Variants in ADCY8 observed in about 807,000 individuals in gnomAD.
ADCY8 encodes adenylate cyclase 8, also known as adenylate cyclase type 8.
In ADCY8, 51 loss-of-function variants were observed where a neutral mutation model predicts 119.7. That is an observed-to-expected ratio of 0.43 (90% CI 0.34 to 0.54). The LOEUF (loss-of-function observed/expected upper bound fraction) is 0.54, where lower values mean the gene tolerates loss of function less well. ADCY8 is among the 20% of genes least tolerant of loss of function. The pLI is 0.03. For missense variants in ADCY8, 1,383 were observed against 1,598.8 expected (o/e 0.87, Z 2.30); for synonymous variants, 665 against 651.0 (o/e 1.02, Z -0.33).
At chr8:130,811,394 T>G (rs1000710413) in intron 14 of ADCY8, among the ~76,000 whole-genome samples, 1 of 152,172 alleles carries the variant, frequency 6.6e-6, no homozygotes, top group Non-Finnish European at 1.5e-5. Flanking sequence ...TACAGATGGG[T>G]AAACTGAAGA....
chr8:130,847,247 A>C (rs1358618394), intron 11 of ADCY8, among the ~76,000 whole-genome samples, 177 bp downstream of exon 11: 1 of 152,058 alleles, frequency 6.6e-6, no homozygotes, highest in East Asian at 1.9e-4. Flanking sequence ...AGAAAATATA[A>C]GGGGAGAAGG....
intron 2 of ADCY8, among the ~76,000 whole-genome samples, chr8:130,975,770 G>A (rs917746935): frequency 6.6e-6 from 1 of 152,166 alleles, no homozygotes; most frequent in Non-Finnish European, 1.5e-5. Flanking sequence ...TAGCCATTAA[G>A]TTGTCTATAA....
chr8:130,855,903 C>T (rs1018243943), intron 9 of ADCY8, among the ~76,000 whole-genome samples: 1 of 152,188 alleles, frequency 6.6e-6, no homozygotes, highest in Admixed American at 6.5e-5. Flanking sequence ...TCCCACCTCT[C>T]CATCATCCCC....
At chr8:130,799,069 G>A (rs867938281) in intron 15 of ADCY8, among the ~76,000 whole-genome samples, 1 of 152,110 alleles carries the variant, frequency 6.6e-6, no homozygotes, top group Non-Finnish European at 1.5e-5. Flanking sequence ...TCACTTATAC[G>A]TGGAATCTAA....
intron 5 of ADCY8, 84 bp downstream of exon 5, chr8:130,936,989 A>T (rs1380543473): frequency 6.9e-7 from 1 of 1,457,132 alleles, no homozygotes. Flanking sequence ...CACCATACAT[A>T]TGATTTACCA....
intron 9 of ADCY8, among the ~76,000 whole-genome samples, chr8:130,857,856 C>T (rs60665191): frequency 0.092 from 14,059 of 152,200 alleles, 688 homozygotes; most frequent in African/African-American, 0.11. Flanking sequence ...TGGTTTCTCT[C>T]ACTTTTTTAC....
At chr8:130,858,696 T>G (rs1817826896) in intron 9 of ADCY8, among the ~76,000 whole-genome samples, 2 of 152,234 alleles carry the variant, frequency 1.3e-5, no homozygotes, top group South Asian at 4.1e-4. Context: ...ATGAATTATC[T>G]TCATAAAATA....
At chr8:130,974,468 T>G (rs2130711098) in intron 2 of ADCY8, among the ~76,000 whole-genome samples, 1 of 152,186 alleles carries the variant, frequency 6.6e-6, no homozygotes, top group East Asian at 1.9e-4. Flanking sequence ...TGAAATCAAA[T>G]TTAGTGGATC....
rs142227700 is a variant in ADCY8, at chr8:131,005,258, C to T, written c.961-14716G>A. Among the ~76,000 whole-genome samples the T allele has an allele frequency of 6.8e-4, 104 of 152,280 alleles. No homozygotes were observed. The East Asian group carries it at 0.018, about 27-fold the overall frequency. Reference sequence around the variant, plus strand: ...AAAGGCTAAACGAGGCCATTGGAAGCGCTGTCTACAAAATACTTAGTATTT... The same window carrying T: ...AAAGGCTAAACGAGGCCATTGGAAGTGCTGTCTACAAAATACTTAGTATTT... On this transcript the variant is annotated intron_variant, in intron 1 of 17. Coordinates refer to ENST00000286355, the MANE Select transcript of ADCY8 (RefSeq NM_001115.3).
At chr8:130,784,054 G>A (rs1349207368) in intron 16 of ADCY8, among the ~76,000 whole-genome samples, 1 of 152,124 alleles carries the variant, frequency 6.6e-6, no homozygotes, top group Non-Finnish European at 1.5e-5. Context: ...ACACCTGTCT[G>A]TTCAGGTTGA....
At chr8:130,945,903 C>A (rs1169011458) in intron 3 of ADCY8, among the ~76,000 whole-genome samples, 1 of 152,174 alleles carries the variant, frequency 6.6e-6, no homozygotes, top group Non-Finnish European at 1.5e-5. Context: ...ATGTTCTTCT[C>A]CATTTTATGG....
chr8:130,796,737 C>T (rs1815590281), intron 15 of ADCY8, among the ~76,000 whole-genome samples: 1 of 149,926 alleles, frequency 6.7e-6, no homozygotes, highest in South Asian at 2.2e-4. Flanking sequence ...CCCTACCTTC[C>T]CCCCGCCTCA....
At position 130,780,829 on chromosome 8, in the gene ADCY8, G is replaced by T; in HGVS notation, c.3317C>A (p.Pro1106Gln). 1.2e-6 allele frequency: 2 copies of T among 1,614,140 alleles called. No individual in the cohort carries two copies. Among genetic ancestry groups the T allele is most frequent in the Non-Finnish European group, 1.7e-6 (2 of 1,180,020 alleles). ...VVAGVIGAKK[P>Q]QYDIWGKTVN... ...AGTTTTGCCCCAAATGTCATACTGT[G>T]GTTTCTTAGCGCCGATAACGCCAGC... Residue 1106 changes from proline to glutamine, a missense_variant, in exon 18 of 18, where the codon CCA becomes CAA. Physicochemically the swap from Pro to Gln is moderately conservative, Grantham distance 76. Coordinates refer to ENST00000286355, the MANE Select transcript of ADCY8 (RefSeq NM_001115.3).
In ADCY8 at chr8:130,945,846, A is replaced by C. The variant is rs181172391; in HGVS notation, c.1242-2384T>G. Among the ~76,000 whole-genome samples the C allele has an allele frequency of 4.4e-3, 665 of 152,358 alleles. 9 individuals carry two copies. Among genetic ancestry groups the C allele is most frequent in the South Asian group, 0.031 (151 of 4,832 alleles). ...CTTGGTAATGCTCTGAGAGCCCTAC[A>C]TGTATTCACTCATTTATTCCATGTA... On this transcript the variant is annotated intron_variant, in intron 3 of 17. Coordinates refer to ENST00000286355, the MANE Select transcript of ADCY8 (RefSeq NM_001115.3).
At chr8:130,929,784 T>TTC (rs1820579681) in intron 5 of ADCY8, among the ~76,000 whole-genome samples, 1 of 152,216 alleles carries the variant, frequency 6.6e-6, no homozygotes, top group South Asian at 2.1e-4. Context: ...CCTTCATATC[T>TTC]ATTAATATTT....
At chr8:130,946,563 C>G (rs6470869) in intron 3 of ADCY8, among the ~76,000 whole-genome samples, 2 of 152,112 alleles carry the variant, frequency 1.3e-5, no homozygotes, top group Non-Finnish European at 2.9e-5. Context: ...TCAAGCTTCT[C>G]GCCCTGTTGG....
At chr8:130,948,790 A>G (rs1475420634) in intron 3 of ADCY8, among the ~76,000 whole-genome samples, 1 of 151,918 alleles carries the variant, frequency 6.6e-6, no homozygotes, top group Non-Finnish European at 1.5e-5. Flanking sequence ...AAGCGGGTGG[A>G]GCAGCCAGTT....
At chr8:130,797,269 G>GT (rs1815612861) in intron 15 of ADCY8, among the ~76,000 whole-genome samples, 1 of 152,054 alleles carries the variant, frequency 6.6e-6, no homozygotes, top group Admixed American at 6.6e-5. Flanking sequence ...TATCCTTAGT[G>GT]TTAGTGTATT....
chr8:131,011,174 G>GAA (rs5742177), intron 1 of ADCY8, among the ~76,000 whole-genome samples: 2 of 146,594 alleles, frequency 1.4e-5, no homozygotes, highest in Non-Finnish European at 3.0e-5. Flanking sequence ...TTTATTGAAT[G>GAA]AAAAAAAAAA....
Sources: allele counts gnomAD v4.1 joint callset (sites outside exome capture counted in the v4.1 genomes callset), GRCh38; gene constraint gnomAD v4.1.1; transcripts MANE v1.5; gene names NCBI Gene and HGNC (gene_info 2026-07-23, HGNC 2026-07-21).